The following SAMD3 variants were observed in gnomAD, a reference collection of about 807,000 sequenced individuals.
SAMD3 encodes sterile alpha motif domain-containing protein 3.
Under a neutral mutation model 58.5 loss-of-function variants are expected in SAMD3, and 63 were observed. The ratio of observed to expected loss-of-function variants is 1.08; its 90% CI spans 0.88 to 1.33. SAMD3 has a LOEUF of 1.33. Ranked by LOEUF, SAMD3 falls within the 40% of genes most tolerant of loss-of-function variation. The pLI, the probability that SAMD3 is intolerant of heterozygous loss-of-function variation, is 0.00. For synonymous variants in SAMD3, 220 were observed against 210.3 expected (o/e 1.05, Z -0.40); for missense variants, 604 against 608.4 (o/e 0.99, Z 0.08).
intron 1 of SAMD3, among the ~76,000 whole-genome samples, chr6:130,340,474 A>G (rs1777235320): frequency 6.6e-6 from 1 of 152,146 alleles, no homozygotes; most frequent in Non-Finnish European, 1.5e-5. Context: ...TCCCCTTCTC[A>G]ATGTCAGCTG....
At position 130,364,791 on chromosome 6, in the gene SAMD3, A is replaced by G. The variant is rs1459169668; in HGVS notation, c.-304+329T>C. ...CTAGTCAAGGCAAGAAGGTTATACC[A>G]CAGGAAATCCATTTCTACAGTCTCT... On this transcript the variant is annotated intron_variant, in intron 1 of 13. Transcript: ENST00000368134. Among the ~76,000 whole-genome samples the G allele has an allele frequency of 3.9e-5, 6 of 152,184 alleles. No homozygotes were observed. In the East Asian group the frequency reaches 1.2e-3, roughly 29 times the overall value.
chr6:130,281,424 T>C (rs1385900364), intron 2 of SAMD3, among the ~76,000 whole-genome samples: 2 of 152,142 alleles, frequency 1.3e-5, no homozygotes, highest in African/African-American at 2.4e-5. Context: ...ATTGCCAAGA[T>C]GGGGAAGACA....
At chr6:130,287,668 G>A (rs769304665) in intron 2 of SAMD3, among the ~76,000 whole-genome samples, 4 of 152,108 alleles carry the variant, frequency 2.6e-5, no homozygotes, top group Admixed American at 6.6e-5. Flanking sequence ...AGGTGTGGCC[G>A]GGCGCAGTGG....
At chr6:130,325,425 G>T (rs897876880) in intron 1 of SAMD3, among the ~76,000 whole-genome samples, 4 of 152,134 alleles carry the variant, frequency 2.6e-5, no homozygotes, top group African/African-American at 9.7e-5. Flanking sequence ...TGAAGAGAGA[G>T]AATTCACCTT....
At chr6:130,189,983 A>G (rs1479518556) in intron 5 of SAMD3, among the ~76,000 whole-genome samples, 1 of 152,174 alleles carries the variant, frequency 6.6e-6, no homozygotes, top group African/African-American at 2.4e-5. Context: ...TTCTGGACTC[A>G]AAGACTTGGG....
At chr6:130,310,179 G>A (rs1047633651) in intron 2 of SAMD3, among the ~76,000 whole-genome samples, 13 of 152,106 alleles carry the variant, frequency 8.5e-5, no homozygotes, top group African/African-American at 1.4e-4. Context: ...AACAGAATCC[G>A]TTTCAACTGT....
chr6:130,284,789 G>A lies in SAMD3; in HGVS notation c.-188+28189C>T, dbSNP rs576594878. Reference sequence around the variant, plus strand: ...TTAGGGATGAAGATGGTTACTACGCGTTGATAAAAGATTCAAGTCACAAGG... The same window carrying A: ...TTAGGGATGAAGATGGTTACTACGCATTGATAAAAGATTCAAGTCACAAGG... On this transcript the variant is annotated intron_variant, in intron 2 of 13. Transcript: ENST00000368134. Among the ~76,000 whole-genome samples the A allele has an allele frequency of 4.6e-5, 7 of 152,250 alleles. No individual in the cohort carries two copies. In the South Asian group the frequency reaches 8.3e-4, roughly 18 times the overall value.
intron 1 of SAMD3, among the ~76,000 whole-genome samples, chr6:130,342,517 G>A (rs186442344): frequency 1.3e-5 from 2 of 152,164 alleles, no homozygotes; most frequent in Admixed American, 6.5e-5. Flanking sequence ...ACTCACTTTA[G>A]AGACTCTGTA....
intron 4 of SAMD3, among the ~76,000 whole-genome samples, chr6:130,209,930 A>C (rs572555372): frequency 1.3e-5 from 2 of 152,244 alleles, no homozygotes; most frequent in East Asian, 3.9e-4. Flanking sequence ...TTTTTAGCTA[A>C]TATTCTTGTT....
chr6:130,229,544 T>G (rs1454790003), intron 2 of SAMD3, among the ~76,000 whole-genome samples: 1 of 152,212 alleles, frequency 6.6e-6, no homozygotes, highest in Non-Finnish European at 1.5e-5. Flanking sequence ...TTTATACCTG[T>G]GTGCTGACAC....
intron 2 of SAMD3, among the ~76,000 whole-genome samples, chr6:130,260,575 G>A (rs1436566715): frequency 6.6e-6 from 1 of 152,208 alleles, no homozygotes; most frequent in East Asian, 1.9e-4. Flanking sequence ...TTAACTCAGT[G>A]TCTGAGGAGT....
At chr6:130,276,846 T>C (rs1272382989) in intron 2 of SAMD3, among the ~76,000 whole-genome samples, 1 of 152,024 alleles carries the variant, frequency 6.6e-6, no homozygotes, top group African/African-American at 2.4e-5. Flanking sequence ...GGCTAGGGAA[T>C]GGGTGCTGCT....
chr6:130,310,078 A>T (rs1346768754), intron 2 of SAMD3, among the ~76,000 whole-genome samples: 1 of 152,250 alleles, frequency 6.6e-6, no homozygotes. Context: ...ATAGAAAAAT[A>T]AAAGAAGAAT....
At chr6:130,183,624 G>A in intron 7 of SAMD3, 2 of 323,166 alleles carry the variant, frequency 6.2e-6, no homozygotes, top group South Asian at 2.6e-5. Context: ...CTCAATTTTA[G>A]CAACTTTATA....
At chr6:130,306,295 TA>T (rs1231172171) in intron 2 of SAMD3, among the ~76,000 whole-genome samples, 1 of 152,196 alleles carries the variant, frequency 6.6e-6, no homozygotes. Context: ...AGGTGAAATT[TA>T]AAACAGGAAA....
At chr6:130,272,633 G>A (rs753136218) in intron 2 of SAMD3, among the ~76,000 whole-genome samples, 18 of 152,162 alleles carry the variant, frequency 1.2e-4, no homozygotes, top group Non-Finnish European at 1.9e-4. Context: ...GTGGAAATAT[G>A]AAGTAATTGC....
At chr6:130,348,778 C>A (rs1777549036) in intron 1 of SAMD3, among the ~76,000 whole-genome samples, 1 of 152,088 alleles carries the variant, frequency 6.6e-6, no homozygotes, top group South Asian at 2.1e-4. Context: ...AATATACAGT[C>A]TTTTCAGCAC....
intron 1 of SAMD3, among the ~76,000 whole-genome samples, chr6:130,315,090 A>G (rs951599255): frequency 1.3e-5 from 2 of 151,016 alleles, no homozygotes; most frequent in African/African-American, 4.9e-5. Flanking sequence ...ATTGAGAATA[A>G]TATGGTGTTC....
At position 130,209,658 on chromosome 6, in the gene SAMD3, T is replaced by C. The variant is rs768821350; in HGVS notation, c.270-50A>G. On this transcript the variant is annotated intron_variant, in intron 4 of 11. Transcript: ENST00000439090. ...CACTATTCAAGAGGTGATATGACCA[T>C]TGATCTCACAGCAGCTCTGAAGGTA... 9 of 1,197,928 alleles carry C rather than the reference T, an allele frequency of 7.5e-6. No individual in the cohort carries two copies. The South Asian group carries it at 8.7e-5, about 12-fold the overall frequency. The allele number at this position is 1,197,928 out of a possible 1,614,324, so 74.2% of individuals were successfully genotyped here.
Sources: allele counts gnomAD v4.1 joint callset (sites outside exome capture counted in the v4.1 genomes callset), GRCh38; gene constraint gnomAD v4.1.1; transcripts MANE v1.5; gene names NCBI Gene and HGNC (gene_info 2026-07-23, HGNC 2026-07-21).